ATP2B2: variants seen among roughly 807,000 people sequenced by gnomAD.
The protein encoded by ATP2B2 is plasma membrane calcium-transporting ATPase 2.
Under a neutral mutation model 120.0 loss-of-function variants are expected in ATP2B2, and 15 were observed. The ratio of observed to expected loss-of-function variants is 0.12; its 90% confidence interval spans 0.08 to 0.19. ATP2B2 has a LOEUF of 0.19. ATP2B2 is among the 10% of genes least tolerant of loss of function. The probability of loss-of-function intolerance (pLI) is 1.00; values close to 1 mark genes in which losing one functional copy is unlikely to be tolerated. For synonymous variants in ATP2B2, 694 were observed against 700.3 expected (o/e 0.99, Z 0.14); for missense variants, 1,045 against 1,719.8 (o/e 0.61, Z 6.94).
At chr3:10,406,427 A>G (rs141602089) in intron 3 of ATP2B2, among the ~76,000 whole-genome samples, 1 of 152,342 alleles carries the variant, frequency 6.6e-6, no homozygotes, top group East Asian at 1.9e-4. Flanking sequence ...GACAGACTGC[A>G]TTTACCGCAG....
intron 2 of ATP2B2, among the ~76,000 whole-genome samples, chr3:10,439,057 C>T (rs1406287761): frequency 6.6e-6 from 1 of 152,194 alleles, no homozygotes; most frequent in Admixed American, 6.5e-5. Flanking sequence ...TGGGCCAAGG[C>T]CTGGGGCAAA....
intron 1 of ATP2B2, among the ~76,000 whole-genome samples, chr3:10,672,653 G>A (rs374830919): frequency 2.0e-5 from 3 of 152,354 alleles, no homozygotes; most frequent in East Asian, 1.9e-4. Context: ...ACTGGCCACC[G>A]AGCAGTAATC....
chr3:10,557,876 AG>A, intron 2 of ATP2B2, among the ~76,000 whole-genome samples: 1 of 152,264 alleles, frequency 6.6e-6, no homozygotes, highest in African/African-American at 2.4e-5. Context: ...CCAAGCTTAT[AG>A]GGGAGGAGGG....
chr3:10,705,775 C>T (rs1231294303), intron 1 of ATP2B2, among the ~76,000 whole-genome samples: 1 of 152,226 alleles, frequency 6.6e-6, no homozygotes, highest in Non-Finnish European at 1.5e-5. Context: ...TAACCTTTCT[C>T]CCCAGACACT....
chr3:10,338,929 A>G (rs770757322), intron 21 of ATP2B2: 5 of 160,086 alleles, frequency 3.1e-5, no homozygotes, highest in African/African-American at 4.8e-5. Context: ...GGAAGGCAGA[A>G]TGGGAAAGAG....
intron 22 of ATP2B2, among the ~76,000 whole-genome samples, chr3:10,334,939 T>C (rs528774951): frequency 6.6e-6 from 1 of 152,272 alleles, no homozygotes; most frequent in Admixed American, 6.5e-5. Flanking sequence ...CTATGCCAAT[T>C]GGAGAAGACC....
chr3:10,469,459 A>G lies in ATP2B2; in HGVS notation c.-319-19597T>C, dbSNP rs2287445. Among the ~76,000 whole-genome samples, 319 of 152,358 alleles carry G rather than the reference A, an allele frequency of 2.1e-3. 5 individuals are homozygous for G. The South Asian group carries it at 0.041, about 20-fold the overall frequency. Reference sequence around the variant, plus strand: ...ATACAAGAGGTCATGCAGGGAGGCTAGGTAAATATAAGGGTGATATGATTT... The same window carrying G: ...ATACAAGAGGTCATGCAGGGAGGCTGGGTAAATATAAGGGTGATATGATTT... On this transcript the variant is annotated intron_variant, in intron 1 of 22. Coordinates refer to ENST00000360273, the MANE Select transcript of ATP2B2 (RefSeq NM_001001331.4).
chr3:10,568,904 C>A (rs1480318899), intron 2 of ATP2B2, among the ~76,000 whole-genome samples: 12 of 152,224 alleles, frequency 7.9e-5, no homozygotes, highest in African/African-American at 2.9e-4. Flanking sequence ...TAAAACCCTA[C>A]CAGCCGACAG....
chr3:10,362,411 A>C (rs1397873161), intron 12 of ATP2B2, among the ~76,000 whole-genome samples: 1 of 152,248 alleles, frequency 6.6e-6, no homozygotes, highest in South Asian at 2.1e-4. Flanking sequence ...GGGGGAATAC[A>C]GGCATTGACA....
chr3:10,518,893 T>C (rs2066927851), intron 3 of ATP2B2, among the ~76,000 whole-genome samples: 1 of 152,168 alleles, frequency 6.6e-6, no homozygotes. Context: ...CTGGACCTCA[T>C]CTGTAAAGTA....
intron 12 of ATP2B2, among the ~76,000 whole-genome samples, chr3:10,369,783 A>G (rs2061172780): frequency 6.6e-6 from 1 of 152,200 alleles, no homozygotes; most frequent in African/African-American, 2.4e-5. Flanking sequence ...CTGGTGAGGG[A>G]TTTGAACGAA....
intron 5 of ATP2B2, among the ~76,000 whole-genome samples, chr3:10,393,898 C>T (rs934016509): frequency 7.9e-5 from 12 of 152,180 alleles, no homozygotes; most frequent in Non-Finnish European, 2.9e-5. Flanking sequence ...GTGGCTTTCC[C>T]TTGCCCTGAG....
chr3:10,390,462 G>A (rs1378910577), intron 5 of ATP2B2, among the ~76,000 whole-genome samples: 7 of 136,252 alleles, frequency 5.1e-5, no homozygotes, highest in Non-Finnish European at 8.0e-5. Context: ...CCGATGTTGT[G>A]TGTGTGTGTG....
intron 1 of ATP2B2, among the ~76,000 whole-genome samples, chr3:10,631,278 T>C (rs9854269): frequency 0.24 from 36,226 of 152,196 alleles, 6,413 homozygotes; most frequent in East Asian, 0.56. Flanking sequence ...AATTTGTTGT[T>C]GCTCAACACT....
chr3:10,426,159 C>T (rs569726902), intron 2 of ATP2B2, among the ~76,000 whole-genome samples: 2 of 152,268 alleles, frequency 1.3e-5, no homozygotes, highest in African/African-American at 4.8e-5. Context: ...TTCAGCACTT[C>T]TTTTGGCTGA....
chr3:10,552,145 C>T (rs549177752), intron 2 of ATP2B2, among the ~76,000 whole-genome samples: 13 of 152,350 alleles, frequency 8.5e-5, no homozygotes, highest in African/African-American at 3.1e-4. Flanking sequence ...AACACCCTTC[C>T]CACGGCCGCC....
intron 22 of ATP2B2, among the ~76,000 whole-genome samples, chr3:10,331,523 G>C (rs73127658): frequency 0.012 from 1,767 of 152,206 alleles, 37 homozygotes; most frequent in African/African-American, 0.041. Flanking sequence ...CGCCCTCCCC[G>C]TGGCATGGAG....
At chr3:10,698,151 T>G (rs999968866) in intron 1 of ATP2B2, among the ~76,000 whole-genome samples, 1 of 152,168 alleles carries the variant, frequency 6.6e-6, no homozygotes, top group African/African-American at 2.4e-5. Flanking sequence ...CCATGATTGG[T>G]TTAGGCATGG....
At chr3:10,366,012 C>T (rs186637057) in intron 12 of ATP2B2, among the ~76,000 whole-genome samples, 5 of 152,146 alleles carry the variant, frequency 3.3e-5, no homozygotes, top group African/African-American at 1.2e-4. Flanking sequence ...TTGTTGAATT[C>T]GACACCCAGG....
Sources: allele counts gnomAD v4.1 joint callset (sites outside exome capture counted in the v4.1 genomes callset), GRCh38; gene constraint gnomAD v4.1.1; transcripts MANE v1.5; gene names NCBI Gene and HGNC (gene_info 2026-07-23, HGNC 2026-07-21).